ANKS1B: variants seen among roughly 807,000 people sequenced by gnomAD.
The protein encoded by ANKS1B is ankyrin repeat and sterile alpha motif domain containing 1B.
A neutral mutation model predicts 148.3 loss-of-function variants in ANKS1B; 36 were observed. The observed-to-expected ratio is 0.24, with a 90% CI of 0.19 to 0.32. ANKS1B has a LOEUF of 0.32. ANKS1B is among the 10% of genes least tolerant of loss of function. The probability of loss-of-function intolerance (pLI) is 1.00; values close to 1 mark genes in which losing one functional copy is unlikely to be tolerated. For missense variants in ANKS1B, 1,157 were observed against 1,542.6 expected (o/e 0.75, Z 4.19); for synonymous variants, 542 against 560.8 (o/e 0.97, Z 0.47).
At chr12:99,788,724 G>C (rs1343697392) in intron 4 of ANKS1B, among the ~76,000 whole-genome samples, 1 of 152,084 alleles carries the variant, frequency 6.6e-6, no homozygotes, top group African/African-American at 2.4e-5. Context: ...TGGACCAGAG[G>C]GGAGCCTACT....
chr12:99,304,833 T>C (rs2082135178), intron 12 of ANKS1B, among the ~76,000 whole-genome samples: 1 of 152,146 alleles, frequency 6.6e-6, no homozygotes, highest in Admixed American at 6.6e-5. Context: ...GTCATCCTGA[T>C]CTTTAGCAAT....
chr12:99,905,316 G>C (rs962238812), intron 1 of ANKS1B, among the ~76,000 whole-genome samples: 9 of 152,188 alleles, frequency 5.9e-5, no homozygotes, highest in African/African-American at 1.4e-4. Flanking sequence ...ACCATGGAAG[G>C]GAGTGGAAGT....
intron 12 of ANKS1B, among the ~76,000 whole-genome samples, chr12:99,287,765 T>C (rs1349964624): frequency 6.6e-6 from 1 of 152,106 alleles, no homozygotes; most frequent in East Asian, 1.9e-4. Context: ...TCAATTGATG[T>C]ACAAAGAATG....
intron 9 of ANKS1B, among the ~76,000 whole-genome samples, chr12:99,549,186 G>A (rs1249172938): frequency 6.6e-6 from 1 of 152,132 alleles, no homozygotes; most frequent in Non-Finnish European, 1.5e-5. Context: ...CTCCAGTCCA[G>A]GTATACTATA....
intron 24 of ANKS1B, among the ~76,000 whole-genome samples, chr12:98,779,340 A>T (rs181746015): frequency 4.6e-5 from 7 of 152,124 alleles, no homozygotes; most frequent in Non-Finnish European, 7.4e-5. Context: ...GCTCTCTTTC[A>T]TTCCTCTGAT....
intron 8 of ANKS1B, among the ~76,000 whole-genome samples, chr12:99,692,033 G>A (rs928740081): frequency 2.0e-5 from 3 of 152,322 alleles, no homozygotes; most frequent in East Asian, 1.9e-4. Flanking sequence ...TTAGGTTGGC[G>A]AGATAGATGA....
intron 11 of ANKS1B, among the ~76,000 whole-genome samples, chr12:99,441,860 GAGA>G (rs2095555693): frequency 6.6e-6 from 1 of 151,954 alleles, no homozygotes; most frequent in African/African-American, 2.4e-5. Flanking sequence ...AGAATATGCA[GAGA>G]AGGATTTATG....
intron 2 of ANKS1B, among the ~76,000 whole-genome samples, chr12:99,820,204 TTCCATTGTG>T (rs2153677506): frequency 1.3e-5 from 2 of 152,060 alleles, no homozygotes; most frequent in East Asian, 3.9e-4. Flanking sequence ...AGAGTACATT[TTCCATTGTG>T]TCCTGATCTG....
chr12:99,669,900 C>G (rs1280892430), intron 8 of ANKS1B, among the ~76,000 whole-genome samples: 1 of 152,050 alleles, frequency 6.6e-6, no homozygotes. Flanking sequence ...GAATTGGATT[C>G]AGGCAAAAAG....
At chr12:99,333,854 G>GTTTTTTTTTTTTTTTTTTTTTTTT (rs10526476) in intron 12 of ANKS1B, among the ~76,000 whole-genome samples, 8 of 107,452 alleles carry the variant, frequency 7.4e-5, no homozygotes, top group African/African-American at 2.0e-4. Flanking sequence ...CCAGTTCTCA[G>GTTTTTTTTTTTTTTTTTTTTTTTT]TTTTTTTTTT....
chr12:98,809,062 C>T (rs989814138), intron 19 of ANKS1B, among the ~76,000 whole-genome samples: 6 of 152,192 alleles, frequency 3.9e-5, no homozygotes, highest in African/African-American at 1.4e-4. Context: ...CTAGTTACAA[C>T]TGCATCTCCA....
intron 17 of ANKS1B, among the ~76,000 whole-genome samples, chr12:99,019,248 A>C (rs1242070489): frequency 6.6e-6 from 1 of 152,222 alleles, no homozygotes; most frequent in Non-Finnish European, 1.5e-5. Context: ...TTTATATAAC[A>C]TATATTTAAA....
At chr12:99,298,613 T>G (rs2081210208) in intron 12 of ANKS1B, among the ~76,000 whole-genome samples, 1 of 152,192 alleles carries the variant, frequency 6.6e-6, no homozygotes, top group Non-Finnish European at 1.5e-5. Flanking sequence ...TTACTTTATT[T>G]TTGTATCAAT....
At chr12:99,740,798 T>C (rs2060026560) in intron 8 of ANKS1B, among the ~76,000 whole-genome samples, 1 of 152,088 alleles carries the variant, frequency 6.6e-6, no homozygotes, top group African/African-American at 2.4e-5. Context: ...TGCAAGGGGT[T>C]GGGAAATTCC....
chr12:99,709,292 T>C (rs908240113), intron 8 of ANKS1B, among the ~76,000 whole-genome samples: 1 of 152,118 alleles, frequency 6.6e-6, no homozygotes, highest in Non-Finnish European at 1.5e-5. Flanking sequence ...CAACTATGGG[T>C]GCTGGAATGT....
At chr12:98,957,459 T>C (rs2099864367) in intron 17 of ANKS1B, among the ~76,000 whole-genome samples, 1 of 152,052 alleles carries the variant, frequency 6.6e-6, no homozygotes, top group Admixed American at 6.6e-5. Flanking sequence ...GCCATGCTCC[T>C]GCCTTAGCCT....
In ANKS1B at chr12:99,012,056, T is replaced by C. The variant is rs17028987; in HGVS notation, c.2778+41101A>G. Among the ~76,000 whole-genome samples, 184 of 152,296 alleles carry C rather than the reference T, an allele frequency of 1.2e-3. 3 individuals carry two copies. In the East Asian group the frequency reaches 0.031, roughly 25 times the overall value. On this transcript the variant is annotated intron_variant, in intron 17 of 26. Transcript: ENST00000683438. ...CATGTTTCAGGTACGTGCATGTCTG[T>C]TTTGTACATCTTACCTGGCTGGGTT...
In ANKS1B at chr12:98,840,158, G is replaced by A. The variant is rs1276909877; in HGVS notation, c.2779-8022C>T. Among the ~76,000 whole-genome samples, 5 of 152,100 alleles carry A rather than the reference G, an allele frequency of 3.3e-5. No individual in the cohort carries two copies. In the South Asian group the frequency reaches 1.0e-3, roughly 32 times the overall value. On this transcript the variant is annotated intron_variant, in intron 17 of 26. Transcript: ENST00000683438. Reference sequence around the variant, plus strand: ...TAACACCTATGTCTTATTTCATTCCGTTTCTACTCTCAAGAGTCTTCTATT... The same window carrying A: ...TAACACCTATGTCTTATTTCATTCCATTTCTACTCTCAAGAGTCTTCTATT...
intron 17 of ANKS1B, among the ~76,000 whole-genome samples, chr12:99,050,769 G>A (rs2099965477): frequency 1.4e-5 from 2 of 139,602 alleles, no homozygotes; most frequent in Admixed American, 8.0e-5. Context: ...TCTGCTCACT[G>A]CAAGCTCTGC....
Sources: gnomAD v4.1 joint callset for allele counts (sites outside exome capture counted in the v4.1 genomes callset) on GRCh38, gnomAD v4.1.1 for gene constraint, MANE v1.5 for transcripts, NCBI Gene and HGNC (gene_info 2026-07-23, HGNC 2026-07-21) for gene names.